Variants in DIAPH2 observed in about 807,000 individuals in gnomAD.
DIAPH2 encodes diaphanous related formin 2, also known as protein diaphanous homolog 2.
In DIAPH2, 35 loss-of-function variants were observed where a neutral mutation model predicts 92.7. The observed-to-expected ratio is 0.38, with a 90% CI of 0.29 to 0.50. DIAPH2 has a LOEUF of 0.50. Among genes scored for constraint, DIAPH2 ranks in the 20% least tolerant of loss-of-function variants. The pLI, the probability that DIAPH2 is intolerant of heterozygous loss-of-function variation, is 0.94. For missense variants in DIAPH2, 701 were observed against 819.5 expected (o/e 0.86, Z 1.77); for synonymous variants, 301 against 280.4 (o/e 1.07, Z -0.73).
chrX:96,971,337 G>A (rs1294195611), intron 17 of DIAPH2, among the ~76,000 whole-genome samples: 1 of 111,718 alleles, frequency 9.0e-6, no homozygotes, highest in Non-Finnish European at 1.9e-5. Flanking sequence ...TGTTTACCTG[G>A]TAGTATTGTG....
intron 10 of DIAPH2, among the ~76,000 whole-genome samples, chrX:96,935,452 C>T (rs1569430057): frequency 9.0e-6 from 1 of 111,018 alleles, no homozygotes; most frequent in Non-Finnish European, 1.9e-5. Context: ...ACAGTAGGTC[C>T]TTGAATAATG....
intron 5 of DIAPH2, among the ~76,000 whole-genome samples, chrX:96,908,269 A>C (rs1424239289): frequency 8.9e-6 from 1 of 111,882 alleles, no homozygotes; most frequent in Admixed American, 9.5e-5. Context: ...GAAAGAAAAA[A>C]TAACTCATGT....
chrX:96,927,155 C>T (rs904599453), intron 9 of DIAPH2, among the ~76,000 whole-genome samples: 2 of 111,200 alleles, frequency 1.8e-5, no homozygotes, highest in South Asian at 7.4e-4. Context: ...GTTATGTGAT[C>T]TTGGGCAAAT....
chrX:96,962,312 C>T (rs866078775), intron 16 of DIAPH2, among the ~76,000 whole-genome samples: 3 of 59,495 alleles, frequency 5.0e-5, no homozygotes, highest in Admixed American at 1.9e-4. Context: ...TATATATATA[C>T]ATATATATAT....
chrX:97,275,564 G>A (rs1346014940), intron 23 of DIAPH2, among the ~76,000 whole-genome samples: 1 of 107,563 alleles, frequency 9.3e-6, no homozygotes, highest in African/African-American at 3.4e-5. Flanking sequence ...TCTCAGACGG[G>A]GCGGCTGCCG....
intron 23 of DIAPH2, among the ~76,000 whole-genome samples, chrX:97,305,067 G>C (rs949873163): frequency 1.1e-4 from 12 of 111,793 alleles, no homozygotes; most frequent in African/African-American, 3.9e-4. Context: ...ATTCACCATA[G>C]TCGAAGAGTC....
At chrX:96,955,205 A>G (rs2065802605) in intron 15 of DIAPH2, among the ~76,000 whole-genome samples, 1 of 111,630 alleles carries the variant, frequency 9.0e-6, no homozygotes, top group South Asian at 3.8e-4. Flanking sequence ...GGGGAAGCAA[A>G]CACATCCTTC....
At chrX:96,892,893 A>T (rs1325046848) in intron 5 of DIAPH2, among the ~76,000 whole-genome samples, 2 of 111,580 alleles carry the variant, frequency 1.8e-5, no homozygotes, top group Non-Finnish European at 3.8e-5. Context: ...AACTGGTCAT[A>T]TAAAGGTATG....
chrX:97,110,899 C>T (rs2066975118), intron 20 of DIAPH2, among the ~76,000 whole-genome samples: 2 of 109,980 alleles, frequency 1.8e-5, no homozygotes, highest in Middle Eastern at 9.3e-3. Flanking sequence ...AGGAAAATGG[C>T]GTGAAGCCAG....
rs773055747 is a variant in DIAPH2 at position 97,482,283 on chromosome X, T to TA, written c.3241+52539dup. Among the ~76,000 whole-genome samples the TA allele has an allele frequency of 1.9e-3, 218 of 112,382 alleles. 1 individual carries two copies. Among genetic ancestry groups the TA allele is most frequent in the African/African-American group, 6.8e-3 (211 of 30,987 alleles). On this transcript the variant is annotated intron_variant, in intron 26 of 26. Transcript: ENST00000324765. Reference sequence around the variant, plus strand: ...GTATTTCACATAACCAAGAACTTGATATGAAATGAGCAACATTAAGCACAA... The same window carrying TA: ...GTATTTCACATAACCAAGAACTTGATAATGAAATGAGCAACATTAAGCACAA...
At chrX:97,309,653 G>A (rs960522967) in intron 23 of DIAPH2, among the ~76,000 whole-genome samples, 5 of 111,949 alleles carry the variant, frequency 4.5e-5, no homozygotes, top group African/African-American at 6.5e-5. Flanking sequence ...ATCGTTGCCA[G>A]AATGTTTCCC....
intron 4 of DIAPH2, among the ~76,000 whole-genome samples, chrX:96,813,804 A>G (rs1490611658): frequency 8.9e-6 from 1 of 111,817 alleles, no homozygotes; most frequent in African/African-American, 3.3e-5. Flanking sequence ...GCTGGATATG[A>G]AATTCTGGGT....
chrX:97,024,951 C>T (rs1400959073), intron 17 of DIAPH2, among the ~76,000 whole-genome samples: 1 of 111,703 alleles, frequency 9.0e-6, no homozygotes, highest in Non-Finnish European at 1.9e-5. Flanking sequence ...CTGAGAAAAT[C>T]GATATATCAC....
chrX:97,460,381 G>A (rs899052020), intron 26 of DIAPH2, among the ~76,000 whole-genome samples: 1 of 111,909 alleles, frequency 8.9e-6, no homozygotes, highest in African/African-American at 3.2e-5. Flanking sequence ...AAAAGCAGCA[G>A]TAAAAAAGGA....
intron 22 of DIAPH2, among the ~76,000 whole-genome samples, chrX:97,173,845 G>C (rs1023285833): frequency 3.7e-5 from 4 of 108,494 alleles, no homozygotes; most frequent in African/African-American, 1.3e-4. Context: ...GAGAAGCTGA[G>C]GCTGCAGTGA....
chrX:96,845,339 A>T (rs1466776853), intron 4 of DIAPH2, among the ~76,000 whole-genome samples: 3 of 112,313 alleles, frequency 2.7e-5, no homozygotes, highest in African/African-American at 9.7e-5. Context: ...TAGACACTAG[A>T]TGACTACTTG....
chrX:96,765,683 C>T (rs1336453396), intron 4 of DIAPH2, among the ~76,000 whole-genome samples: 1 of 110,876 alleles, frequency 9.0e-6, no homozygotes, highest in Non-Finnish European at 1.9e-5. Flanking sequence ...TGGGGCGTAC[C>T]TCCTGTGGAT....
intron 23 of DIAPH2, among the ~76,000 whole-genome samples, chrX:97,312,496 C>G (rs1226139976): frequency 2.2e-4 from 24 of 107,916 alleles, no homozygotes; most frequent in Non-Finnish European, 3.6e-4. Context: ...ATTACAGGTG[C>G]CTGCCACCAC....
intron 25 of DIAPH2, among the ~76,000 whole-genome samples, chrX:97,396,659 G>A (rs5920913): frequency 0.028 from 3,090 of 111,533 alleles, 35 homozygotes; most frequent in Middle Eastern, 0.041. Flanking sequence ...AATAAATTCC[G>A]TTGTTACACT....
Sources: allele counts gnomAD v4.1 joint callset (sites outside exome capture counted in the v4.1 genomes callset), GRCh38; gene constraint gnomAD v4.1.1; transcripts MANE v1.5; gene names NCBI Gene and HGNC (gene_info 2026-07-23, HGNC 2026-07-21).